The following PCDHA5 variants were observed in gnomAD, a reference collection of about 807,000 sequenced individuals.
PCDHA5 encodes protocadherin alpha 5.
In PCDHA5, 43 loss-of-function variants were observed where a neutral mutation model predicts 61.6. That is an observed-to-expected ratio of 0.70 (90% CI 0.55 to 0.90). The LOEUF (loss-of-function observed/expected upper bound fraction) is 0.90. Ranked by LOEUF, PCDHA5 falls within the 40% of genes least tolerant of loss-of-function variation. The pLI, the probability that PCDHA5 is intolerant of heterozygous loss-of-function variation, is 0.00. For synonymous variants in PCDHA5, 627 were observed against 543.9 expected (o/e 1.15, Z -2.13); for missense variants, 1,298 against 1,222.7 (o/e 1.06, Z -0.92).
chr5:140,862,359 C>A lies in PCDHA5; in HGVS notation c.2352+38232C>A, dbSNP rs1364549064. ...CCTAACTTCAGTGCCAAGGGACAGA[C>A]GACCCGCACCCTGACTCCTCACGTC... On this transcript the variant is annotated intron_variant, in intron 1 of 3. Coordinates refer to ENST00000529859, the MANE Select transcript of PCDHA5 (RefSeq NM_018908.3). 17 of 337,738 alleles carry A rather than the reference C, an allele frequency of 5.0e-5. No individual in the cohort carries two copies. In the East Asian group the frequency reaches 1.2e-3, roughly 24 times the overall value. The allele number at this position is 337,738 out of a possible 1,614,324, so 20.9% of individuals were successfully genotyped here.
intron 1 of PCDHA5, chr5:140,871,022 A>G (rs2052630009): frequency 6.2e-7 from 1 of 1,613,114 alleles, no homozygotes; most frequent in African/African-American, 1.3e-5. Context: ...GACGAGGCAG[A>G]CTCGCCGCGC....
intron 1 of PCDHA5, among the ~76,000 whole-genome samples, chr5:140,946,611 A>AAT (rs1554217734): frequency 0.018 from 1,579 of 86,716 alleles, 89 homozygotes; most frequent in African/African-American, 0.026. Flanking sequence ...GAAAATGTGA[A>AAT]ATATATATAT....
chr5:140,901,146 C>A (rs1463079898), intron 1 of PCDHA5, among the ~76,000 whole-genome samples: 1 of 152,180 alleles, frequency 6.6e-6, no homozygotes, highest in African/African-American at 2.4e-5. Flanking sequence ...AATATTTTCT[C>A]TCAATCTGTG....
intron 1 of PCDHA5, chr5:140,968,133 A>G (rs782213191): frequency 1.5e-5 from 24 of 1,614,022 alleles, no homozygotes; most frequent in Middle Eastern, 3.3e-4. Flanking sequence ...CGTACACTGA[A>G]GGTTGAGATC....
intron 1 of PCDHA5, chr5:140,871,206 C>T (rs781837610): frequency 2.5e-6 from 4 of 1,613,668 alleles, no homozygotes; most frequent in African/African-American, 1.3e-5. Flanking sequence ...ACCTGATCAT[C>T]GCCATCTGCG....
chr5:140,952,813 G>A (rs1162015418), intron 1 of PCDHA5, among the ~76,000 whole-genome samples: 1 of 152,158 alleles, frequency 6.6e-6, no homozygotes, highest in African/African-American at 2.4e-5. Context: ...TCTGCAGGCT[G>A]TACAGGAAGC....
intron 1 of PCDHA5, among the ~76,000 whole-genome samples, chr5:140,962,185 C>T (rs782495435): frequency 6.6e-5 from 10 of 152,126 alleles, no homozygotes; most frequent in Non-Finnish European, 1.3e-4. Flanking sequence ...ACTTATATCA[C>T]TTTTATGCTT....
chr5:140,919,509 A>G (rs897648504), intron 1 of PCDHA5, among the ~76,000 whole-genome samples: 1 of 152,052 alleles, frequency 6.6e-6, no homozygotes, highest in Non-Finnish European at 1.5e-5. Context: ...CTTTTTCTAT[A>G]TGTTTTAATT....
intron 1 of PCDHA5, chr5:140,828,582 C>A: frequency 6.2e-7 from 1 of 1,614,224 alleles, no homozygotes; most frequent in Non-Finnish European, 8.5e-7. Context: ...GATGTTGGCT[C>A]AAATTCCATC....
At chr5:140,856,510 A>G (rs1193359159) in intron 1 of PCDHA5, 2 of 1,598,532 alleles carry the variant, frequency 1.3e-6, no homozygotes, top group Non-Finnish European at 1.7e-6. Context: ...TTCCACTAGA[A>G]GGCGCATCTG....
At chr5:140,966,835 G>A in intron 1 of PCDHA5, 10 of 1,564,886 alleles carry the variant, frequency 6.4e-6, no homozygotes, top group Non-Finnish European at 7.8e-6. Flanking sequence ...TGCCCTGGCT[G>A]CTGCTACTGC....
chr5:140,883,575 G>A (rs782472492), intron 1 of PCDHA5: 2 of 1,614,072 alleles, frequency 1.2e-6, no homozygotes, highest in Non-Finnish European at 1.7e-6. Flanking sequence ...CCTTCGCTGT[G>A]GGCCACGGCC....
chr5:140,870,469 C>T, intron 1 of PCDHA5: 1 of 1,614,246 alleles, frequency 6.2e-7, no homozygotes. Context: ...TGCGTTCGCA[C>T]AGCCCGAGTA....
At chr5:140,906,995 C>T (rs1177237804) in intron 1 of PCDHA5, among the ~76,000 whole-genome samples, 1 of 152,164 alleles carries the variant, frequency 6.6e-6, no homozygotes, top group Non-Finnish European at 1.5e-5. Flanking sequence ...GCATTCCTCC[C>T]TCTGGAACTA....
chr5:140,920,996 CAG>C (rs1554200030), intron 1 of PCDHA5, among the ~76,000 whole-genome samples: 3 of 151,876 alleles, frequency 2.0e-5, no homozygotes, highest in African/African-American at 7.3e-5. Context: ...CTTATTTTTT[CAG>C]AGTCAGGGTC....
At chr5:140,828,757 C>T in intron 1 of PCDHA5, 1 of 1,614,234 alleles carries the variant, frequency 6.2e-7, no homozygotes, top group Non-Finnish European at 8.5e-7. Flanking sequence ...AACCTGAGCT[C>T]ACAGGCACTG....
intron 1 of PCDHA5, among the ~76,000 whole-genome samples, chr5:140,907,407 C>G (rs1438882988): frequency 3.3e-5 from 5 of 152,168 alleles, no homozygotes; most frequent in African/African-American, 1.2e-4. Flanking sequence ...GTGTGGAATA[C>G]CACGATGGTG....
intron 1 of PCDHA5, chr5:140,967,224 A>G (rs2096116008): frequency 6.2e-7 from 1 of 1,613,708 alleles, no homozygotes; most frequent in Non-Finnish European, 8.5e-7. Flanking sequence ...CGGCCCAACT[A>G]CCAGCTTCAG....
At chr5:140,864,940 G>T (rs528676037) in intron 1 of PCDHA5, 4 of 152,296 alleles carry the variant, frequency 2.6e-5, no homozygotes, top group African/African-American at 9.6e-5. Flanking sequence ...TCTCAGGCCT[G>T]TAATCCCAGC....
Sources: allele counts gnomAD v4.1 joint callset (sites outside exome capture counted in the v4.1 genomes callset), GRCh38; gene constraint gnomAD v4.1.1; transcripts MANE v1.5; gene names NCBI Gene and HGNC (gene_info 2026-07-23, HGNC 2026-07-21).